NEB: variants seen among roughly 807,000 people sequenced by gnomAD.
The protein encoded by NEB is nemaline myopathy type 2.
In NEB, 512 loss-of-function variants were observed where a neutral mutation model predicts 952.2. The ratio of observed to expected loss-of-function variants is 0.54; its 90% confidence interval spans 0.50 to 0.58. The LOEUF is 0.58. Ranked by LOEUF, NEB falls within the 20% of genes least tolerant of loss-of-function variation. NEB has a pLI of 0.00. For missense variants in NEB, 8,428 were observed against 9,231.1 expected (o/e 0.91, Z 3.56); for synonymous variants, 2,900 against 3,149.8 (o/e 0.92, Z 2.66).
intron 27 of NEB, 29 bp from the exon 28 acceptor site, chr2:151,685,004 C>T: frequency 2.6e-6 from 4 of 1,528,530 alleles, no homozygotes; most frequent in Non-Finnish European, 3.6e-6. Flanking sequence ...CATTTATTAT[C>T]ACAAATCCTC....
At chr2:151,692,230 C>T in intron 21 of NEB, 31 bp downstream of exon 21, 2 of 1,608,734 alleles carry the variant, frequency 1.2e-6, no homozygotes, top group Non-Finnish European at 1.7e-6. Flanking sequence ...GAAAGCCCTC[C>T]TACCCGAAAG....
At chr2:151,550,060 A>G (rs2095182424) in intron 129 of NEB, among the ~76,000 whole-genome samples, 1 of 152,112 alleles carries the variant, frequency 6.6e-6, no homozygotes, top group Non-Finnish European at 1.5e-5. Context: ...TTAAGGTCAG[A>G]AGTTGAGACT....
intron 173 of NEB, 80 bp downstream of exon 173, chr2:151,496,196 A>T: frequency 2.2e-6 from 3 of 1,366,612 alleles, no homozygotes; most frequent in Non-Finnish European, 3.0e-6. Flanking sequence ...TTTAAAAAGT[A>T]GGATTAATAT....
chr2:151,634,646 AT>A (rs1396441745), intron 64 of NEB, among the ~76,000 whole-genome samples: 8 of 152,222 alleles, frequency 5.3e-5, no homozygotes, highest in African/African-American at 1.4e-4. Flanking sequence ...TCTCAAAAAA[AT>A]AAAATAAAAT....
chr2:151,692,031 A>G lies in NEB; in HGVS notation c.2106+28T>C, dbSNP rs376534942. On this transcript the variant is annotated intron_variant, in intron 22 of 181. Coordinates refer to ENST00000397345, the MANE Select transcript of NEB (RefSeq NM_001164508.2). ...ATGGCTCTCAAACAATGTCACTGTG[A>G]GGCATGAACCATTGTCTTCAAACTT... 1.6e-4 allele frequency: 258 copies of G among 1,607,856 alleles called. 2 individuals are homozygous for G. The African/African-American group carries it at 3.3e-3, about 20-fold the overall frequency.
chr2:151,534,848 G>A lies in NEB; in HGVS notation c.21312+843C>T, dbSNP rs1226754228. On this transcript the variant is annotated intron_variant, in intron 142 of 181. Transcript: ENST00000397345. ...GAAGCTACTGGCAGTAATTCTTCAGGGTTGTCCAGTCTGGAAATCTACTGA... is the reference window on the plus strand; with the variant it reads ...GAAGCTACTGGCAGTAATTCTTCAGAGTTGTCCAGTCTGGAAATCTACTGA... 2.6e-5 allele frequency among the ~76,000 whole-genome samples: 4 copies of A among 152,114 alleles called. No homozygotes were observed. The East Asian group carries it at 7.7e-4, about 29-fold the overall frequency.
chr2:151,719,454 A>G (rs1371111781), intron 9 of NEB, among the ~76,000 whole-genome samples: 1 of 152,216 alleles, frequency 6.6e-6, no homozygotes, highest in Non-Finnish European at 1.5e-5. Flanking sequence ...ACCAAGTCTA[A>G]CTGTATCTTA....
intron 78 of NEB, 102 bp from the exon 79 acceptor site, chr2:151,610,968 A>G (rs1251169319): frequency 4.2e-6 from 3 of 707,602 alleles, no homozygotes; most frequent in African/African-American, 3.6e-5. Flanking sequence ...TTTAACTCAC[A>G]TTTAACTATA....
chr2:151,485,727 A>G lies in NEB; in HGVS notation c.*33T>C, dbSNP rs1341033276. 3.2e-6 allele frequency: 5 copies of G among 1,567,480 alleles called. No individual in the cohort carries two copies. The highest frequency in any genetic ancestry group is 4.3e-6 in the Non-Finnish European group (5 of 1,151,082). ...CGAAACATTGACTGCAGGATCTGTA[A>G]GTCCTGCAGACAAGTGTGATGCTTT... On this transcript the variant is annotated 3_prime_UTR_variant, in exon 182 of 182. Coordinates refer to ENST00000397345, the MANE Select transcript of NEB (RefSeq NM_001164508.2).
At chr2:151,648,121 T>C (rs1247733332) in intron 54 of NEB, among the ~76,000 whole-genome samples, 6 of 152,212 alleles carry the variant, frequency 3.9e-5, no homozygotes, top group Non-Finnish European at 8.8e-5. Flanking sequence ...TCTGGGTATA[T>C]GTATGCACAC....
At position 151,518,407 on chromosome 2, in the gene NEB, T is replaced by A. The variant is rs748990736; in HGVS notation, c.22711A>T (p.Lys7571Ter). ...QLASSYQYKK[K>*]YEKSKGHYHT... ...TAGTGGCCTTTACTCTTCTCATACT[T>A]CTTCTTGTACTGGTACTGAGGGGAA... The change falls in exon 156 of 182, where the codon AAG becomes TAG. Residue 7571 changes from lysine to a stop codon, truncating the protein, a stop_gained. Coordinates refer to ENST00000397345, the MANE Select transcript of NEB (RefSeq NM_001164508.2). LOFTEE classifies it high-confidence loss of function. The A allele has an allele frequency of 2.5e-6, 4 of 1,606,624 alleles. No homozygotes were observed. The highest frequency in any genetic ancestry group is 1.1e-5 in the South Asian group (1 of 90,764).
intron 130 of NEB, 45 bp from the exon 131 acceptor site, chr2:151,548,460 G>C: frequency 8.0e-7 from 1 of 1,254,342 alleles, no homozygotes; most frequent in African/African-American, 1.5e-5. Context: ...GGTAAACAAG[G>C]ACCAACATTA....
At position 151,498,265 on chromosome 2, in the gene NEB, T is replaced by C. The variant is rs897454282; in HGVS notation, c.24202A>G (p.Ser8068Gly). The change falls in exon 170 of 182, where the codon AGC becomes GGC. Residue 8068 changes from serine to glycine, a missense_variant. Physicochemically the swap from Ser to Gly is moderately conservative, Grantham distance 56 (BLOSUM62 0). Around this residue, in one of 11 missense-constraint regions of NEB, gnomAD observed 3,374 missense variants for 3,651.5 expected, o/e 0.92. Coordinates refer to ENST00000397345, the MANE Select transcript of NEB (RefSeq NM_001164508.2). Reference protein sequence around the residue: ...QRVKHNQENLSSVLYKENMGK... With the variant: ...QRVKHNQENLGSVLYKENMGK... ...CCCCTTTCTTTCCAAAATACCGAGCTAAGGTTTTCTTGATTGTGTTTGACT... is the reference window on the plus strand; with the variant it reads ...CCCCTTTCTTTCCAAAATACCGAGCCAAGGTTTTCTTGATTGTGTTTGACT... The C allele has an allele frequency of 3.9e-6, 6 of 1,551,342 alleles. No homozygotes were observed. Among genetic ancestry groups the C allele is most frequent in the African/African-American group, 1.4e-5 (1 of 73,044 alleles).
chr2:151,648,466 A>T (rs952419635), intron 54 of NEB, among the ~76,000 whole-genome samples: 2 of 152,168 alleles, frequency 1.3e-5, no homozygotes, highest in Non-Finnish European at 1.5e-5. Context: ...TTATTTCCAT[A>T]TATTCATGGG....
rs886042654 is a variant in NEB, at chr2:151,658,031, A to G, written c.6135T>C (p.Asp2045=). The change falls in exon 48 of 182, where the codon GAT becomes GAC. Residue 2045 remains aspartate (D), a synonymous_variant. Transcript: ENST00000397345. The part of the protein sequence containing the change: ...SKKKGYDLRP[D]AIPIKAAKAS... ...CCTTGGCAGCTTTGATAGGAATTGC[A>G]TCAGGTCTGAGATCATAGCCTTTCT... 41 of 1,611,456 alleles carry G rather than the reference A, an allele frequency of 2.5e-5. No homozygotes were observed. Among genetic ancestry groups the G allele is most frequent in the Non-Finnish European group, 3.4e-5 (40 of 1,178,608 alleles).
At chr2:151,530,897 G>T (rs1046700269) in intron 145 of NEB, 97 bp downstream of exon 145, 41 of 751,646 alleles carry the variant, frequency 5.5e-5, no homozygotes, top group Non-Finnish European at 8.0e-5. Flanking sequence ...TTTTAGGGTG[G>T]TTGTTACACA....
chr2:151,696,948 T>A (rs1373399741), intron 16 of NEB, among the ~76,000 whole-genome samples, 200 bp downstream of exon 16: 1 of 152,256 alleles, frequency 6.6e-6, no homozygotes. Flanking sequence ...TAACTCTTCT[T>A]TGGGAAAATG....
In NEB at chr2:151,540,791, A is replaced by G; in HGVS notation, c.20693T>C (p.Val6898Ala). Residue 6898 changes from valine (V) to alanine (A), a missense_variant, in exon 137 of 182, where the codon GTT becomes GCT. This residue lies in a region of NEB where 3,374 missense variants were observed against 3,651.5 expected (regional missense o/e 0.92). Coordinates refer to ENST00000397345, the MANE Select transcript of NEB (RefSeq NM_001164508.2). ...GQKLQSQYLY[V>A]ELATKERPHH... is the part of the protein sequence containing the mutation. ...GGGTCTCTCTTTGGTGGCAAGTTCA[A>G]CATACAGATACTGAATAATAGAAGA... 1.2e-6 allele frequency: 2 copies of G among 1,611,908 alleles called. No homozygotes were observed. The highest frequency in any genetic ancestry group is 1.7e-6 in the Non-Finnish European group (2 of 1,178,108).
At chr2:151,493,698 T>G in intron 175 of NEB, 77 bp downstream of exon 175, 1 of 1,174,228 alleles carries the variant, frequency 8.5e-7, no homozygotes, top group Non-Finnish European at 1.2e-6. Context: ...GGAAAAACTG[T>G]AAGATAAATT....
Sources: gnomAD v4.1 joint callset for allele counts (sites outside exome capture counted in the v4.1 genomes callset) on GRCh38, gnomAD v4.1.1 for gene constraint, gnomAD v4.1.1 regional missense constraint, MANE v1.5 for transcripts, NCBI Gene and HGNC (gene_info 2026-07-23, HGNC 2026-07-21) for gene names.